The following LANCL1 variants were observed in gnomAD, a reference collection of about 807,000 sequenced individuals.
LANCL1 encodes glutathione S-transferase LANCL1.
Under a neutral mutation model 50.6 loss-of-function variants are expected in LANCL1, and 50 were observed. The observed-to-expected ratio is 0.99, with a 90% CI of 0.79 to 1.25. The LOEUF is 1.25. LANCL1 is among the 50% of genes most tolerant of loss of function. The pLI is 0.00. For synonymous variants in LANCL1, 188 were observed against 178.6 expected (o/e 1.05, Z -0.42); for missense variants, 532 against 480.7 (o/e 1.11, Z -1.00).
At chr2:210,476,191 C>T (rs1330671578) in intron 2 of LANCL1, 125 bp downstream of exon 2, 2 of 578,650 alleles carry the variant, frequency 3.5e-6, no homozygotes, top group African/African-American at 1.9e-5. Context: ...AAATAATTTA[C>T]GTATTTATCG....
At chr2:210,472,238 A>G (rs1694248242) in intron 2 of LANCL1, among the ~76,000 whole-genome samples, 162 bp from the exon 3 acceptor site, 1 of 152,244 alleles carries the variant, frequency 6.6e-6, no homozygotes, top group Admixed American at 6.5e-5. Flanking sequence ...ACAACATCAC[A>G]TTAACAAAAT....
chr2:210,455,544 A>G (rs978020197), intron 3 of LANCL1, among the ~76,000 whole-genome samples: 3 of 152,142 alleles, frequency 2.0e-5, no homozygotes, highest in Non-Finnish European at 4.4e-5. Context: ...TGACAACTCT[A>G]TTAAATAATA....
chr2:210,458,728 T>G (rs1559716719), intron 3 of LANCL1, among the ~76,000 whole-genome samples: 2 of 152,162 alleles, frequency 1.3e-5, no homozygotes, highest in Admixed American at 6.5e-5. Flanking sequence ...ACCCCTCTGT[T>G]GGAGAATCAG....
At chr2:210,441,981 C>T (rs1218769726) in intron 4 of LANCL1, among the ~76,000 whole-genome samples, 5 of 151,900 alleles carry the variant, frequency 3.3e-5, no homozygotes, top group African/African-American at 7.2e-5. Context: ...CTCGGCTCAC[C>T]GCAACCTCCG....
intron 4 of LANCL1, among the ~76,000 whole-genome samples, chr2:210,445,299 A>G (rs1338221448): frequency 6.6e-6 from 1 of 152,192 alleles, no homozygotes; most frequent in African/African-American, 2.4e-5. Context: ...TGATGTTAGG[A>G]CATACATTAC....
In LANCL1 at chr2:210,437,909, C is replaced by A. The variant is rs745343355; in HGVS notation, c.691-37G>T. 15 of 1,452,242 alleles carry A rather than the reference C, an allele frequency of 1.0e-5. No individual in the cohort carries two copies. In the African/African-American group the frequency reaches 2.1e-4, roughly 21 times the overall value. The allele number at this position is 1,452,242 out of a possible 1,614,324, so 90.0% of individuals were successfully genotyped here. ...AAGGAAATTATTAGTTCTGCTGAAG[C>A]AAATAAACCTTCCTAGGTCTCAGTA... On this transcript the variant is annotated intron_variant, in intron 6 of 9. Coordinates refer to ENST00000450366, the MANE Select transcript of LANCL1 (RefSeq NM_006055.3).
At chr2:210,437,442 G>A (rs1692972169) in intron 7 of LANCL1, among the ~76,000 whole-genome samples, 1 of 152,036 alleles carries the variant, frequency 6.6e-6, no homozygotes, top group Non-Finnish European at 1.5e-5. Flanking sequence ...GAGTGGAATT[G>A]CTAGATAATA....
intron 3 of LANCL1, among the ~76,000 whole-genome samples, chr2:210,471,042 ATTTTTT>A (rs35572251): frequency 1.0e-5 from 1 of 96,286 alleles, no homozygotes; most frequent in African/African-American, 4.0e-5. Context: ...TTCTTCTTTG[ATTTTTT>A]TTTTTTTTTT....
At chr2:210,465,259 A>G (rs1418433624) in intron 3 of LANCL1, among the ~76,000 whole-genome samples, 4 of 152,224 alleles carry the variant, frequency 2.6e-5, no homozygotes, top group Admixed American at 6.5e-5. Flanking sequence ...TGATTCTTGC[A>G]TATTTTTAAT....
At chr2:210,451,191 A>T (rs1693501215) in intron 4 of LANCL1, among the ~76,000 whole-genome samples, 1 of 152,300 alleles carries the variant, frequency 6.6e-6, no homozygotes, top group African/African-American at 2.4e-5. Context: ...GACATGGATG[A>T]AGCTAAAAAC....
chr2:210,434,827 G>A (rs1373701424), intron 9 of LANCL1, among the ~76,000 whole-genome samples: 1 of 151,876 alleles, frequency 6.6e-6, no homozygotes, highest in Non-Finnish European at 1.5e-5. Flanking sequence ...GACACCCCCC[G>A]AGAGCAGTTA....
intron 2 of LANCL1, among the ~76,000 whole-genome samples, chr2:210,473,221 C>G (rs1694271391): frequency 6.6e-6 from 1 of 152,054 alleles, no homozygotes; most frequent in African/African-American, 2.4e-5. Context: ...ACTAAAAATA[C>G]AAAATTAGTC....
chr2:210,438,292 G>T (rs981564565), intron 6 of LANCL1, among the ~76,000 whole-genome samples: 1 of 151,810 alleles, frequency 6.6e-6, no homozygotes, highest in Non-Finnish European at 1.5e-5. Flanking sequence ...CTGTCACCAC[G>T]CCTGGCTAAT....
intron 6 of LANCL1, among the ~76,000 whole-genome samples, chr2:210,440,228 C>G (rs1693084898): frequency 6.6e-6 from 1 of 152,164 alleles, no homozygotes; most frequent in Admixed American, 6.5e-5. Context: ...TTGTTGGAAT[C>G]AGTTGTACCT....
chr2:210,443,729 C>T (rs1199526486), intron 4 of LANCL1, among the ~76,000 whole-genome samples: 1 of 152,126 alleles, frequency 6.6e-6, no homozygotes, highest in Admixed American at 6.5e-5. Flanking sequence ...TCCCTCCAAC[C>T]CCCGCCCCAA....
At chr2:210,441,096 G>A in intron 5 of LANCL1, among the ~76,000 whole-genome samples, 1 of 152,172 alleles carries the variant, frequency 6.6e-6, no homozygotes, top group Non-Finnish European at 1.5e-5. Flanking sequence ...CTGAAATGGA[G>A]CAGACTGGCC....
At chr2:210,456,159 A>T (rs1485274477) in intron 3 of LANCL1, among the ~76,000 whole-genome samples, 1 of 152,144 alleles carries the variant, frequency 6.6e-6, no homozygotes, top group Non-Finnish European at 1.5e-5. Context: ...GTGGAGTAGG[A>T]AGCCTGCCTG....
At chr2:210,460,241 T>A (rs1163828159) in intron 3 of LANCL1, among the ~76,000 whole-genome samples, 1 of 152,182 alleles carries the variant, frequency 6.6e-6, no homozygotes, top group Non-Finnish European at 1.5e-5. Context: ...TTCGTGCAGT[T>A]CAAGGGCATT....
At chr2:210,456,894 A>T (rs1373167706) in intron 3 of LANCL1, among the ~76,000 whole-genome samples, 1 of 152,232 alleles carries the variant, frequency 6.6e-6, no homozygotes. Context: ...TAACTATTTA[A>T]CAAACAAAAC....
Sources: allele counts gnomAD v4.1 joint callset (sites outside exome capture counted in the v4.1 genomes callset), GRCh38; gene constraint gnomAD v4.1.1; transcripts MANE v1.5; gene names NCBI Gene and HGNC (gene_info 2026-07-23, HGNC 2026-07-21).